TMOD1: variants seen among roughly 807,000 people sequenced by gnomAD.
TMOD1 encodes tropomodulin 1.
Under a neutral mutation model 40.6 loss-of-function variants are expected in TMOD1, and 17 were observed. The observed-to-expected ratio is 0.42, with a 90% CI of 0.29 to 0.63. The LOEUF (loss-of-function observed/expected upper bound fraction) is 0.63, where lower values mean the gene tolerates loss of function less well. TMOD1 is among the 20% of genes least tolerant of loss of function. The probability of loss-of-function intolerance (pLI) is 0.22; values close to 1 mark genes in which losing one functional copy is unlikely to be tolerated. For synonymous variants in TMOD1, 181 were observed against 175.0 expected, an observed-to-expected ratio of 1.03 and a Z score of -0.27; for missense variants, 391 against 447.6, an observed-to-expected ratio of 0.87 and a Z score of 1.14.
intron 2 of TMOD1, among the ~76,000 whole-genome samples, chr9:97,539,637 G>A (rs1487236483): frequency 2.6e-5 from 4 of 152,094 alleles, no homozygotes; most frequent in Non-Finnish European, 5.9e-5. Flanking sequence ...GCTTTTTTGA[G>A]ATACCATTCA....
At chr9:97,574,404 G>A (rs1227747562) in intron 8 of TMOD1, among the ~76,000 whole-genome samples, 2 of 152,218 alleles carry the variant, frequency 1.3e-5, no homozygotes, top group East Asian at 3.8e-4. Context: ...GGCCTTAGCT[G>A]CCTCCCCACG....
chr9:97,517,884 G>T (rs1417479544), intron 1 of TMOD1: 1 of 152,632 alleles, frequency 6.6e-6, no homozygotes, highest in Non-Finnish European at 1.5e-5. Flanking sequence ...CAGGGGGCTC[G>T]TGGGAAACAG....
chr9:97,538,300 A>G (rs971751970), intron 2 of TMOD1, among the ~76,000 whole-genome samples: 10 of 152,192 alleles, frequency 6.6e-5, no homozygotes, highest in Admixed American at 4.6e-4. Flanking sequence ...CAAATTTCCA[A>G]TTGTTAAATA....
At chr9:97,589,397 G>C (rs544556616) in intron 8 of TMOD1, among the ~76,000 whole-genome samples, 1 of 147,640 alleles carries the variant, frequency 6.8e-6, no homozygotes, top group African/African-American at 2.5e-5. Flanking sequence ...TCAGCCTCCC[G>C]AGTATCTGGG....
intron 8 of TMOD1, among the ~76,000 whole-genome samples, chr9:97,578,974 G>T (rs1363416485): frequency 6.6e-6 from 1 of 152,188 alleles, no homozygotes; most frequent in African/African-American, 2.4e-5. Context: ...TGGGGCCTCA[G>T]ATGGTTGCTG....
At chr9:97,556,681 C>T (rs890359413) in intron 4 of TMOD1, among the ~76,000 whole-genome samples, 7 of 152,140 alleles carry the variant, frequency 4.6e-5, no homozygotes, top group African/African-American at 1.4e-4. Flanking sequence ...ACAGAGTCTA[C>T]ATTAAACAAA....
intron 9 of TMOD1, among the ~76,000 whole-genome samples, chr9:97,595,044 A>G (rs1826079303): frequency 6.6e-6 from 1 of 152,242 alleles, no homozygotes; most frequent in African/African-American, 2.4e-5. Context: ...AGACCTTTGC[A>G]GCAAGCAGCC....
At chr9:97,592,101 T>C (rs1477211065) in intron 9 of TMOD1, among the ~76,000 whole-genome samples, 5 of 151,926 alleles carry the variant, frequency 3.3e-5, no homozygotes. Context: ...TATGAACAAA[T>C]AGGTATATAA....
Position 97,569,493 on chromosome 9 carries a change from T to G in TMOD1, c.870+456T>G, listed in dbSNP as rs915414682. 3.9e-5 allele frequency among the ~76,000 whole-genome samples: 6 copies of G among 152,346 alleles called. No individual in the cohort carries two copies. The Middle Eastern group carries it at 0.01, about 259-fold the overall frequency. On this transcript the variant is annotated intron_variant, in intron 8 of 9. Transcript: ENST00000259365. ...CATTCACCCCCATTCAATGCGGCTT[T>G]TGAATTTCCTCACCATTCACATTAC... is the stretch of plus-strand genomic sequence containing the variant.
chr9:97,558,273 G>A (rs1403358935), intron 4 of TMOD1, among the ~76,000 whole-genome samples: 1 of 152,194 alleles, frequency 6.6e-6, no homozygotes, highest in Non-Finnish European at 1.5e-5. Flanking sequence ...AAAGTCAAAG[G>A]GAAGTTTTAG....
At chr9:97,577,700 G>A (rs1286415016) in intron 8 of TMOD1, among the ~76,000 whole-genome samples, 1 of 152,138 alleles carries the variant, frequency 6.6e-6, no homozygotes, top group African/African-American at 2.4e-5. Flanking sequence ...GAACCCAGAA[G>A]GCAGAGGTTG....
intron 1 of TMOD1, among the ~76,000 whole-genome samples, chr9:97,503,287 C>A (rs1446118441): frequency 1.3e-5 from 2 of 152,204 alleles, no homozygotes; most frequent in African/African-American, 4.8e-5. Flanking sequence ...TGGGAGCACC[C>A]GATCAATGCC....
intron 8 of TMOD1, among the ~76,000 whole-genome samples, chr9:97,590,817 G>C (rs1366247746): frequency 6.6e-6 from 1 of 151,948 alleles, no homozygotes; most frequent in African/African-American, 2.4e-5. Context: ...AATTTGAAGA[G>C]ACTAAATTAC....
At chr9:97,536,321 T>TTGGCC (rs777643292) in intron 2 of TMOD1, among the ~76,000 whole-genome samples, 53 of 152,232 alleles carry the variant, frequency 3.5e-4, no homozygotes, top group African/African-American at 1.2e-3. Context: ...TGTGATAGGT[T>TTGGCC]TGGCCTGGCC....
At chr9:97,549,860 T>A (rs1422959460) in intron 3 of TMOD1, among the ~76,000 whole-genome samples, 1 of 152,148 alleles carries the variant, frequency 6.6e-6, no homozygotes, top group African/African-American at 2.4e-5. Flanking sequence ...CCCTTCAGCT[T>A]ATCCTCCATC....
chr9:97,542,186 G>T (rs911916901), intron 2 of TMOD1, among the ~76,000 whole-genome samples: 2 of 152,260 alleles, frequency 1.3e-5, no homozygotes, highest in South Asian at 2.1e-4. Flanking sequence ...TTGAAAACGA[G>T]TTAAAGTGGT....
chr9:97,522,951 G>A (rs78700708), intron 1 of TMOD1, among the ~76,000 whole-genome samples: 2,375 of 152,244 alleles, frequency 0.016, 30 homozygotes, highest in Middle Eastern at 0.024. Context: ...GGACAATAGC[G>A]CTCGAGGTCC....
intron 8 of TMOD1, among the ~76,000 whole-genome samples, chr9:97,587,594 C>A (rs1454233245): frequency 6.7e-6 from 1 of 150,304 alleles, no homozygotes; most frequent in African/African-American, 2.5e-5. Flanking sequence ...GAGTTTTTTT[C>A]TAATTGACAC....
intron 8 of TMOD1, among the ~76,000 whole-genome samples, chr9:97,574,559 G>A (rs1216940020): frequency 1.3e-5 from 2 of 152,230 alleles, no homozygotes; most frequent in Non-Finnish European, 2.9e-5. Flanking sequence ...GAGGAGTGCG[G>A]GCGCAGGGCG....
Sources: gnomAD v4.1 joint callset for allele counts (sites outside exome capture counted in the v4.1 genomes callset) on GRCh38, gnomAD v4.1.1 for gene constraint, MANE v1.5 for transcripts, NCBI Gene and HGNC (gene_info 2026-07-23, HGNC 2026-07-21) for gene names.